COL8A1: variants seen among roughly 807,000 people sequenced by gnomAD.
COL8A1 encodes collagen type VIII alpha 1 chain, also known as collagen alpha-1(VIII) chain.
A neutral mutation model predicts 42.7 loss-of-function variants in COL8A1; 21 were observed. The observed-to-expected ratio is 0.49, with a 90% CI of 0.35 to 0.71. The LOEUF is 0.71. Ranked by LOEUF, COL8A1 falls within the 30% of genes least tolerant of loss-of-function variation. COL8A1 has a pLI of 0.01. For missense variants in COL8A1, 788 were observed against 962.4 expected, an observed-to-expected ratio of 0.82 and a Z score of 2.40; for synonymous variants, 367 against 369.1, an observed-to-expected ratio of 0.99 and a Z score of 0.06.
At chr3:99,658,851 T>G (rs1360054571) in intron 1 of COL8A1, among the ~76,000 whole-genome samples, 1 of 152,088 alleles carries the variant, frequency 6.6e-6, no homozygotes, top group East Asian at 1.9e-4. Context: ...GATAATCACA[T>G]CACTCAATCA....
intron 1 of COL8A1, chr3:99,677,911 A>G (rs2107319874): frequency 6.6e-6 from 1 of 152,344 alleles, no homozygotes; most frequent in South Asian, 2.1e-4. Flanking sequence ...GAAAATCTAC[A>G]CAGGTTGCCA....
chr3:99,659,594 GGCTGGCTCACAAAA>G (rs1938136194), intron 1 of COL8A1, among the ~76,000 whole-genome samples: 1 of 152,122 alleles, frequency 6.6e-6, no homozygotes, highest in African/African-American at 2.4e-5. Flanking sequence ...AAGTAGATAT[GGCTGGCTCACAAAA>G]GCATCTAGAA....
chr3:99,739,966 T>C (rs1013467744), intron 1 of COL8A1, among the ~76,000 whole-genome samples: 3 of 152,204 alleles, frequency 2.0e-5, no homozygotes, highest in African/African-American at 4.8e-5. Flanking sequence ...CTTTGCCACT[T>C]AGAAATTTCT....
chr3:99,788,083 A>G (rs1374111407), intron 2 of COL8A1, among the ~76,000 whole-genome samples: 1 of 152,186 alleles, frequency 6.6e-6, no homozygotes, highest in South Asian at 2.1e-4. Flanking sequence ...TGTTCTTTTG[A>G]GTGATTTGGG....
chr3:99,684,954 C>A (rs1388187036), intron 1 of COL8A1, among the ~76,000 whole-genome samples: 2 of 152,178 alleles, frequency 1.3e-5, no homozygotes, highest in Non-Finnish European at 2.9e-5. Flanking sequence ...GCTTTTCTAC[C>A]CACTTCCTCC....
At chr3:99,737,247 T>C (rs1940751663) in intron 1 of COL8A1, among the ~76,000 whole-genome samples, 2 of 152,170 alleles carry the variant, frequency 1.3e-5, no homozygotes, top group South Asian at 4.2e-4. Context: ...AAGTTAATAA[T>C]ATGTGAATTT....
chr3:99,738,858 G>C (rs143757958), intron 1 of COL8A1, among the ~76,000 whole-genome samples: 5,069 of 152,214 alleles, frequency 0.033, 286 homozygotes, highest in African/African-American at 0.11. Context: ...TCAGACTGCT[G>C]TGCTAGCAAT....
intron 1 of COL8A1, among the ~76,000 whole-genome samples, chr3:99,677,309 G>A (rs13066932): frequency 0.095 from 14,479 of 151,960 alleles, 855 homozygotes; most frequent in Middle Eastern, 0.12. Context: ...ATAATCCAGT[G>A]TCCAAATCTT....
At chr3:99,787,452 C>G (rs564628245) in intron 2 of COL8A1, among the ~76,000 whole-genome samples, 1 of 152,256 alleles carries the variant, frequency 6.6e-6, no homozygotes, top group East Asian at 1.9e-4. Context: ...TTGCAGTTAA[C>G]CTCACATTTA....
Position 99,681,619 on chromosome 3 carries a change from G to C in COL8A1, c.-129+42955G>C, listed in dbSNP as rs527994261. Among the ~76,000 whole-genome samples, 118 of 152,260 alleles carry C rather than the reference G, an allele frequency of 7.7e-4. 2 individuals carry two copies. Among genetic ancestry groups the C allele is most frequent in the African/African-American group, 2.6e-3 (108 of 41,556 alleles). ...ACCAGCTGCTCTCTATTTCCTCAAA[G>C]ACTAAAACACAAGAAGACTGCTTTC... On this transcript the variant is annotated intron_variant, in intron 1 of 3. Coordinates refer to ENST00000652472, the MANE Select transcript of COL8A1 (RefSeq NM_020351.4).
chr3:99,667,299 A>G (rs1188178060), intron 1 of COL8A1, among the ~76,000 whole-genome samples: 1 of 152,164 alleles, frequency 6.6e-6, no homozygotes, highest in African/African-American at 2.4e-5. Flanking sequence ...CTGGTTCCAT[A>G]CGTAATAAAA....
chr3:99,793,974 A>C (rs888294462), intron 3 of COL8A1, among the ~76,000 whole-genome samples: 6 of 152,074 alleles, frequency 3.9e-5, no homozygotes, highest in South Asian at 2.1e-4. Context: ...CTGGTCTCGA[A>C]CTCCTGACTT....
intron 1 of COL8A1, among the ~76,000 whole-genome samples, chr3:99,728,820 T>C (rs1940414366): frequency 6.6e-6 from 1 of 152,042 alleles, no homozygotes; most frequent in Non-Finnish European, 1.5e-5. Flanking sequence ...TTCACTCTTT[T>C]TGGTTCAATT....
At chr3:99,721,337 T>G (rs187073326) in intron 1 of COL8A1, among the ~76,000 whole-genome samples, 1 of 140,116 alleles carries the variant, frequency 7.1e-6, no homozygotes, top group East Asian at 2.1e-4. Context: ...ACACCTGTTT[T>G]GCACTCAGTG....
At chr3:99,764,377 A>G (rs1187804327) in intron 2 of COL8A1, among the ~76,000 whole-genome samples, 1 of 152,248 alleles carries the variant, frequency 6.6e-6, no homozygotes, top group Non-Finnish European at 1.5e-5. Context: ...GAACAACATT[A>G]GTATAAATTT....
chr3:99,701,247 T>A (rs1939529317), intron 1 of COL8A1, among the ~76,000 whole-genome samples: 2 of 152,202 alleles, frequency 1.3e-5, no homozygotes. Context: ...AAAACACATA[T>A]GTAGTAAAAG....
intron 1 of COL8A1, among the ~76,000 whole-genome samples, chr3:99,676,795 A>G (rs1324916346): frequency 2.0e-5 from 3 of 152,152 alleles, no homozygotes; most frequent in Non-Finnish European, 4.4e-5. Context: ...GTTAGAATTA[A>G]TAACTGCATT....
intron 1 of COL8A1, chr3:99,678,923 C>T (rs1938782733): frequency 6.6e-6 from 1 of 152,060 alleles, no homozygotes; most frequent in Non-Finnish European, 1.5e-5. Flanking sequence ...CTTTCTTGCA[C>T]TAGAAATTAA....
At chr3:99,699,861 T>C (rs1428067066) in intron 1 of COL8A1, among the ~76,000 whole-genome samples, 1 of 152,102 alleles carries the variant, frequency 6.6e-6, no homozygotes, top group African/African-American at 2.4e-5. Context: ...ACATACCGTC[T>C]TTTTTAACAT....
Sources: gnomAD v4.1 joint callset for allele counts (sites outside exome capture counted in the v4.1 genomes callset) on GRCh38, gnomAD v4.1.1 for gene constraint, MANE v1.5 for transcripts, NCBI Gene and HGNC (gene_info 2026-07-23, HGNC 2026-07-21) for gene names.